Variants in FOXJ3 observed in about 807,000 individuals in gnomAD.
The protein encoded by FOXJ3 is forkhead box J3.
In FOXJ3, 22 loss-of-function variants were observed where a neutral mutation model predicts 76.1. That is an observed-to-expected ratio of 0.29 (90% CI 0.21 to 0.41). The LOEUF is 0.41. FOXJ3 is among the 10% of genes least tolerant of loss of function. FOXJ3 has a pLI of 1.00. For missense variants in FOXJ3, 613 were observed against 762.1 expected (o/e 0.80, Z 2.30); for synonymous variants, 269 against 261.2 (o/e 1.03, Z -0.29).
At chr1:42,238,088 G>C (rs1648842477) in intron 4 of FOXJ3, among the ~76,000 whole-genome samples, 1 of 151,734 alleles carries the variant, frequency 6.6e-6, no homozygotes, top group African/African-American at 2.4e-5. Flanking sequence ...GGCTGGAGTG[G>C]AGTGCTGTGA....
chr1:42,315,120 T>A (rs1241830803), intron 1 of FOXJ3, among the ~76,000 whole-genome samples: 2 of 152,186 alleles, frequency 1.3e-5, no homozygotes, highest in Non-Finnish European at 2.9e-5. Flanking sequence ...ATACGAAATG[T>A]CCAGAACTGG....
chr1:42,248,742 T>C (rs1309846813), intron 4 of FOXJ3, among the ~76,000 whole-genome samples: 15 of 147,594 alleles, frequency 1.0e-4, no homozygotes, highest in Admixed American at 6.7e-4. Context: ...TTTTTTTTTT[T>C]TTTTTTTTTT....
chr1:42,236,933 C>T (rs1261156934), intron 4 of FOXJ3, among the ~76,000 whole-genome samples: 1 of 152,122 alleles, frequency 6.6e-6, no homozygotes, highest in African/African-American at 2.4e-5. Context: ...TACTTATTTG[C>T]CACCCATATA....
intron 2 of FOXJ3, among the ~76,000 whole-genome samples, chr1:42,306,829 T>C (rs1415485476): frequency 2.0e-5 from 3 of 152,196 alleles, no homozygotes; most frequent in African/African-American, 7.2e-5. Flanking sequence ...CTCTACTAAA[T>C]CTCATAAATA....
At chr1:42,234,872 T>C (rs1170583197) in intron 4 of FOXJ3, among the ~76,000 whole-genome samples, 1 of 152,208 alleles carries the variant, frequency 6.6e-6, no homozygotes, top group Admixed American at 6.5e-5. Flanking sequence ...GAGGAGGCTG[T>C]CTGTCCGTTC....
chr1:42,301,514 T>C (rs1316136276), intron 2 of FOXJ3, among the ~76,000 whole-genome samples: 1 of 152,136 alleles, frequency 6.6e-6, no homozygotes, highest in African/African-American at 2.4e-5. Flanking sequence ...CGTTCACTTA[T>C]TTTACTTCTT....
At chr1:42,208,492 T>C (rs1442068524) in intron 5 of FOXJ3, among the ~76,000 whole-genome samples, 2 of 152,208 alleles carry the variant, frequency 1.3e-5, no homozygotes, top group African/African-American at 4.8e-5. Context: ...TTCAATATCC[T>C]TTCATGACAA....
intron 4 of FOXJ3, among the ~76,000 whole-genome samples, chr1:42,245,601 C>T (rs1233069497): frequency 6.6e-6 from 1 of 152,082 alleles, no homozygotes; most frequent in African/African-American, 2.4e-5. Context: ...ACGGAAAAAG[C>T]ATTTGATAAA....
chr1:42,191,724 A>G lies in FOXJ3; in HGVS notation c.935-5T>C, dbSNP rs1209255194. Reference sequence around the variant, plus strand: ...CAGAAGGGATGTTCATCAAACCTAAAAACAAAGCAAGATCATTTATGGTCA... The same window carrying G: ...CAGAAGGGATGTTCATCAAACCTAAGAACAAAGCAAGATCATTTATGGTCA... On this transcript the variant is annotated splice_region_variant and splice_polypyrimidine_tract_variant and intron_variant, in intron 8 of 12. Coordinates refer to ENST00000361346, the MANE Select transcript of FOXJ3 (RefSeq NM_014947.5). The G allele has an allele frequency of 2.5e-6, 4 of 1,605,288 alleles. No homozygotes were observed. Among genetic ancestry groups the G allele is most frequent in the African/African-American group, 2.7e-5 (2 of 74,748 alleles).
intron 5 of FOXJ3, among the ~76,000 whole-genome samples, chr1:42,211,111 C>A (rs1646958210): frequency 6.6e-6 from 1 of 152,188 alleles, no homozygotes. Flanking sequence ...AGTCAGGCGG[C>A]CCTGGTGCTC....
chr1:42,300,503 C>T (rs1004418890), intron 2 of FOXJ3, among the ~76,000 whole-genome samples: 16 of 151,874 alleles, frequency 1.1e-4, no homozygotes, highest in African/African-American at 2.9e-4. Context: ...TGGTTGTGCA[C>T]GGTGGCTCAC....
At chr1:42,206,884 G>C (rs1452571085) in intron 5 of FOXJ3, among the ~76,000 whole-genome samples, 2 of 152,022 alleles carry the variant, frequency 1.3e-5, no homozygotes, top group Non-Finnish European at 2.9e-5. Context: ...AGGCTGTAGT[G>C]CAGTGGTGCA....
At chr1:42,181,048 C>T (rs543629596) in intron 12 of FOXJ3, among the ~76,000 whole-genome samples, 28 of 152,366 alleles carry the variant, frequency 1.8e-4, no homozygotes, top group African/African-American at 6.7e-4. Context: ...TCACTGCTGT[C>T]TGCCACACAG....
intron 4 of FOXJ3, among the ~76,000 whole-genome samples, chr1:42,236,129 C>T (rs1417690005): frequency 6.6e-6 from 1 of 152,224 alleles, no homozygotes; most frequent in African/African-American, 2.4e-5. Flanking sequence ...CACCACTAGA[C>T]TCATGTGGAG....
intron 7 of FOXJ3, among the ~76,000 whole-genome samples, chr1:42,196,094 C>A (rs1646645299): frequency 6.6e-6 from 1 of 152,200 alleles, no homozygotes; most frequent in South Asian, 2.1e-4. Context: ...CCTTAGGGTA[C>A]AGCTGCAGGT....
chr1:42,292,633 T>C (rs748761446), intron 2 of FOXJ3, among the ~76,000 whole-genome samples: 37 of 152,204 alleles, frequency 2.4e-4, no homozygotes, highest in Non-Finnish European at 4.3e-4. Context: ...AGTAGATACC[T>C]TGCAGACAGA....
At chr1:42,281,825 G>A (rs192978374) in intron 2 of FOXJ3, among the ~76,000 whole-genome samples, 9 of 152,280 alleles carry the variant, frequency 5.9e-5, no homozygotes, top group South Asian at 4.1e-4. Context: ...TTGGGAGGCC[G>A]AGGCAGGCGG....
At chr1:42,206,925 T>C (rs1385659973) in intron 5 of FOXJ3, among the ~76,000 whole-genome samples, 1 of 151,926 alleles carries the variant, frequency 6.6e-6, no homozygotes, top group Non-Finnish European at 1.5e-5. Context: ...TCACCTCCCA[T>C]GCTCAAGCGA....
At chr1:42,251,758 G>A (rs1048356342) in intron 4 of FOXJ3, among the ~76,000 whole-genome samples, 4 of 125,554 alleles carry the variant, frequency 3.2e-5, no homozygotes, top group Non-Finnish European at 4.8e-5. Flanking sequence ...TTGCTCTGTT[G>A]CCCAGGCTGG....
Sources: allele counts gnomAD v4.1 joint callset (sites outside exome capture counted in the v4.1 genomes callset), GRCh38; gene constraint gnomAD v4.1.1; transcripts MANE v1.5; gene names NCBI Gene and HGNC (gene_info 2026-07-23, HGNC 2026-07-21).